IL5RA: variants seen among roughly 807,000 people sequenced by gnomAD.
IL5RA encodes interleukin-5 receptor subunit alpha.
In IL5RA, 49 loss-of-function variants were observed where a neutral mutation model predicts 50.0. The ratio of observed to expected loss-of-function variants is 0.98; its 90% CI spans 0.78 to 1.24. IL5RA has a LOEUF of 1.24. IL5RA is among the 50% of genes most tolerant of loss of function. IL5RA has a pLI of 0.00. For synonymous variants in IL5RA, 202 were observed against 174.0 expected, an observed-to-expected ratio of 1.16 and a Z score of -1.26; for missense variants, 600 against 500.4, an observed-to-expected ratio of 1.20 and a Z score of -1.90.
intron 9 of IL5RA, chr3:3,091,998 C>T: frequency 1.6e-6 from 2 of 1,224,830 alleles, no homozygotes; most frequent in Admixed American, 4.2e-5. Context: ...AAACAGGCAC[C>T]AGGTCTAGGA....
At position 3,097,965 on chromosome 3, in the gene IL5RA, C is replaced by T. The variant is rs1362511636; in HGVS notation, c.614G>A (p.Ser205Asn). 4 of 1,614,204 alleles carry T rather than the reference C, an allele frequency of 2.5e-6. No individual in the cohort carries two copies. The highest frequency in any genetic ancestry group is 3.4e-6 in the Non-Finnish European group (4 of 1,180,032). The part of the protein sequence containing the change: ...ACWFPRTFIL[S>N]KGRDWLAVLV... The stretch of plus-strand genomic sequence containing the variant: ...CACCGCAAGCCAGTCACGCCCTTTG[C>T]TGAGGATAAAAGTCCTGGGAAACCA... The change falls in exon 7 of 12, where the codon AGC becomes AAC. Residue 205 changes from serine (S) to asparagine (N), a missense_variant. By Grantham distance (46) the Ser-to-Asn change is conservative. Transcript: ENST00000446632.
At chr3:3,084,148 A>G (rs1001556809) in intron 9 of IL5RA, among the ~76,000 whole-genome samples, 2 of 152,048 alleles carry the variant, frequency 1.3e-5, no homozygotes, top group Admixed American at 6.6e-5. Context: ...TATGTCCTGC[A>G]TTATAAAACA....
chr3:3,085,765 T>C (rs1160679147), intron 9 of IL5RA, among the ~76,000 whole-genome samples: 1 of 152,150 alleles, frequency 6.6e-6, no homozygotes, highest in African/African-American at 2.4e-5. Context: ...CAACCCATTT[T>C]CCTTAAGTCC....
chr3:3,091,860 G>C, intron 9 of IL5RA: 1 of 432,026 alleles, frequency 2.3e-6, no homozygotes, highest in Non-Finnish European at 3.2e-6. Context: ...TTACCCTTGA[G>C]GAAAACTGGA....
intron 8 of IL5RA, among the ~76,000 whole-genome samples, chr3:3,094,607 C>A (rs1398828665): frequency 6.6e-6 from 1 of 152,114 alleles, no homozygotes; most frequent in African/African-American, 2.4e-5. Flanking sequence ...GCTTTCGATT[C>A]TTTTGTATAT....
intron 9 of IL5RA, among the ~76,000 whole-genome samples, chr3:3,085,404 C>T (rs1024137848): frequency 9.2e-5 from 14 of 152,144 alleles, no homozygotes; most frequent in Admixed American, 3.3e-4. Flanking sequence ...CATCTTCCTT[C>T]GTGTTTTGCC....
chr3:3,098,644 G>C lies in IL5RA; in HGVS notation c.368-354C>G, dbSNP rs548609284. Among the ~76,000 whole-genome samples, 5 of 152,270 alleles carry C rather than the reference G, an allele frequency of 3.3e-5. No homozygotes were observed. In the South Asian group the frequency reaches 6.2e-4, roughly 19 times the overall value. Reference sequence around the variant, plus strand: ...GCTGGTCTTGAACTCCTGACCTCAAGTGATCCACCCACAGCCTCCTAAAGT... The same window carrying C: ...GCTGGTCTTGAACTCCTGACCTCAACTGATCCACCCACAGCCTCCTAAAGT... On this transcript the variant is annotated intron_variant, in intron 5 of 11. Transcript: ENST00000446632.
chr3:3,087,747 A>G (rs971782372), intron 9 of IL5RA, among the ~76,000 whole-genome samples: 1 of 152,174 alleles, frequency 6.6e-6, no homozygotes, highest in Non-Finnish European at 1.5e-5. Context: ...AAAGAGGAGA[A>G]AGCATAGTTA....
In IL5RA at chr3:3,098,186, G is replaced by C; in HGVS notation, c.472C>G (p.Leu158Val). ...TCCTCAGGGGCATCTGTGCCAACAA[G>C]CCAGGTGCAGTGAAGGGAAACTTGG... ...SYQVSLHCTW[L>V]VGTDAPEDTQ... The change falls in exon 6 of 12, where the codon CTT becomes GTT. Residue 158 changes from leucine (L) to valine (V), a missense_variant. Physicochemically the swap from Leu to Val is conservative, Grantham distance 32. Transcript: ENST00000446632. The C allele has an allele frequency of 1.2e-6, 2 of 1,614,118 alleles. No homozygotes were observed. The highest frequency in any genetic ancestry group is 2.2e-5 in the South Asian group (2 of 91,082).
chr3:3,073,842 C>A (rs1471253255), intron 11 of IL5RA: 1 of 433,762 alleles, frequency 2.3e-6, no homozygotes, highest in Non-Finnish European at 4.5e-6. Flanking sequence ...ATAACCAAAA[C>A]AAATTTTTAA....
Position 3,092,263 on chromosome 3 carries a change from C to T in IL5RA, c.955G>A (p.Ala319Thr), listed in dbSNP as rs1480117993. The change falls in exon 9 of 12, where the codon GCA becomes ACA. Residue 319 changes from alanine to threonine, a missense_variant. Transcript: ENST00000446632. This position sits in a 1 kb window ranked among gnomAD's most constrained non-coding sequence, Gnocchi z 4.2. ...RAAVSSMCREAGLWSEWSQPI... is the reference protein window; with the variant it reads ...RAAVSSMCRETGLWSEWSQPI... ...TGGCTCCACTCACTCCAGAGCCCTG[C>T]CTCTCTGCACATGGAGCTCACTGCT... The T allele has an allele frequency of 6.2e-7, 1 of 1,614,142 alleles. No homozygotes were observed. Among genetic ancestry groups the T allele is most frequent in the Non-Finnish European group, 8.5e-7 (1 of 1,180,034 alleles).
intron 2 of IL5RA, among the ~76,000 whole-genome samples, chr3:3,107,951 C>G (rs995399333): frequency 1.3e-5 from 2 of 152,060 alleles, no homozygotes; most frequent in Non-Finnish European, 2.9e-5. Context: ...ACTTATTTTT[C>G]TGCCTGGGGC....
rs576487100 is a variant in IL5RA, at chr3:3,071,699, C to A, written c.1177-1388G>T. ...CCGCCTCCTGGGCTCAAGCCATCTT[C>A]CCACCTCAGCCTCCCGAGTATCTGA... On this transcript the variant is annotated intron_variant, in intron 11 of 11. Coordinates refer to ENST00000446632, the MANE Select transcript of IL5RA (RefSeq NM_175726.4). Among the ~76,000 whole-genome samples, 6 of 151,914 alleles carry A rather than the reference C, an allele frequency of 3.9e-5. No homozygotes were observed. In the South Asian group the frequency reaches 1.2e-3, roughly 32 times the overall value.
intron 5 of IL5RA, 111 bp downstream of exon 5, chr3:3,101,581 G>C (rs1703654285): frequency 9.4e-7 from 1 of 1,059,550 alleles, no homozygotes; most frequent in Non-Finnish European, 1.4e-6. Flanking sequence ...GAGAGTACTT[G>C]AGAAGAACGG....
rs374364696 is a variant in IL5RA at position 3,089,285 on chromosome 3, C to T, written c.994+2939G>A. On this transcript the variant is annotated intron_variant, in intron 9 of 11. Coordinates refer to ENST00000446632, the MANE Select transcript of IL5RA (RefSeq NM_175726.4). ...TTGTGTGTTGCACAACTTTAGGGGACGCTATTCTCCCTTGGGAACTCGGTA... is the reference window on the plus strand; with the variant it reads ...TTGTGTGTTGCACAACTTTAGGGGATGCTATTCTCCCTTGGGAACTCGGTA... 1.6e-3 allele frequency among the ~76,000 whole-genome samples: 249 copies of T among 152,298 alleles called. 2 individuals are homozygous for T. Among genetic ancestry groups the T allele is most frequent in the Non-Finnish European group, 9.3e-4 (63 of 68,022 alleles).
chr3:3,089,425 A>G (rs1703000440), intron 9 of IL5RA, among the ~76,000 whole-genome samples: 1 of 152,128 alleles, frequency 6.6e-6, no homozygotes, highest in African/African-American at 2.4e-5. Context: ...GATCGGAGTC[A>G]TTTTCACATG....
At chr3:3,077,860 T>C (rs1003703728) in intron 9 of IL5RA, among the ~76,000 whole-genome samples, 1 of 152,202 alleles carries the variant, frequency 6.6e-6, no homozygotes, top group African/African-American at 2.4e-5. Context: ...ACCTGCCGGA[T>C]TGAATAATGT....
At chr3:3,081,361 C>G (rs17026218) in intron 9 of IL5RA, among the ~76,000 whole-genome samples, 2,550 of 152,282 alleles carry the variant, frequency 0.017, 60 homozygotes, top group African/African-American at 0.058. Context: ...ATTCCATGCT[C>G]GTAACCATTA....
chr3:3,105,039 A>G, intron 2 of IL5RA, 52 bp from the exon 3 acceptor site: 1 of 1,146,070 alleles, frequency 8.7e-7, no homozygotes, highest in Non-Finnish European at 1.3e-6. Context: ...TTTTTAAGAA[A>G]AACTGATAGC....
Sources: allele counts gnomAD v4.1 joint callset (sites outside exome capture counted in the v4.1 genomes callset), GRCh38; gene constraint gnomAD v4.1.1; non-coding constraint Gnocchi (gnomAD v3.1); transcripts MANE v1.5; gene names NCBI Gene and HGNC (gene_info 2026-07-23, HGNC 2026-07-21).